The following ZNF227 variants were observed in gnomAD, a reference collection of about 807,000 sequenced individuals.
ZNF227 encodes zinc finger protein 227.
ZNF227 carries 12 observed loss-of-function variants against 13.2 expected under a neutral mutation model. That is an observed-to-expected ratio of 0.91 (90% CI 0.58 to 1.47). The LOEUF is 1.47. Ranked by LOEUF, ZNF227 falls within the 40% of genes most tolerant of loss-of-function variation. ZNF227 has a pLI of 0.00. For missense variants in ZNF227, 885 were observed against 967.5 expected (o/e 0.91, Z 1.13); for synonymous variants, 338 against 326.0 (o/e 1.04, Z -0.40).
chr19:44,217,910 G>A, intron 3 of ZNF227, 58 bp downstream of exon 3: 1 of 1,586,642 alleles, frequency 6.3e-7, no homozygotes, highest in Non-Finnish European at 8.7e-7. Flanking sequence ...AAAGATAACA[G>A]ATTTATTTTT....
At chr19:44,216,388 ATTTT>A (rs1391496659) in intron 2 of ZNF227, among the ~76,000 whole-genome samples, 3 of 151,416 alleles carry the variant, frequency 2.0e-5, no homozygotes, top group Non-Finnish European at 2.9e-5. Flanking sequence ...GGTCAACTAT[ATTTT>A]CTTTCTAGGA....
upstream of ZNF227, among the ~76,000 whole-genome samples, chr19:44,208,666 C>T (rs1417545823): frequency 6.6e-6 from 1 of 152,156 alleles, no homozygotes; most frequent in African/African-American, 2.4e-5. Context: ...GCAGAACGTC[C>T]ATATGAACCC....
At chr19:44,219,258 TCTC>T (rs148003402) in intron 3 of ZNF227, among the ~76,000 whole-genome samples, 9,492 of 152,194 alleles carry the variant, frequency 0.062, 671 homozygotes, top group Admixed American at 0.15. Context: ...TACTGTCTCT[TCTC>T]TAGTTTTGTC....
At chr19:44,229,144 T>C (rs1599828121) in intron 4 of ZNF227, 1 of 152,962 alleles carries the variant, frequency 6.5e-6, no homozygotes, top group East Asian at 1.9e-4. Flanking sequence ...ACTGCTCACA[T>C]TGCAACAAAA....
chr19:44,218,823 G>A (rs1972147930), intron 3 of ZNF227, among the ~76,000 whole-genome samples: 1 of 152,212 alleles, frequency 6.6e-6, no homozygotes, highest in African/African-American at 2.4e-5. Context: ...TTCATGTAAA[G>A]GCAGACAGAA....
At chr19:44,226,437 C>T (rs1973170976) in intron 3 of ZNF227, among the ~76,000 whole-genome samples, 1 of 152,242 alleles carries the variant, frequency 6.6e-6, no homozygotes, top group Non-Finnish European at 1.5e-5. Flanking sequence ...CCAGTTCGAG[C>T]TTCCAGGCTG....
chr19:44,232,116 A>G (rs1034144359), intron 5 of ZNF227, among the ~76,000 whole-genome samples: 4 of 152,248 alleles, frequency 2.6e-5, no homozygotes, highest in Non-Finnish European at 5.9e-5. Context: ...AGGCACTGAC[A>G]TACCTGTGGA....
chr19:44,211,873 C>CAA (rs1971385743), upstream of ZNF227, among the ~76,000 whole-genome samples: 1 of 117,992 alleles, frequency 8.5e-6, no homozygotes, highest in Non-Finnish European at 1.8e-5. Flanking sequence ...ATCACGTGAT[C>CAA]TGTTTCTTAT....
At chr19:44,224,500 G>A (rs1972888772) in intron 3 of ZNF227, among the ~76,000 whole-genome samples, 1 of 152,148 alleles carries the variant, frequency 6.6e-6, no homozygotes, top group African/African-American at 2.4e-5. Flanking sequence ...TTGTTGAATT[G>A]ATCCCTTTAC....
Position 44,229,104 on chromosome 19 carries a change from G to C in ZNF227, c.187+532G>C, listed in dbSNP as rs138210711. The C allele has an allele frequency of 8.7e-3, 1,345 of 153,950 alleles. 19 individuals carry two copies. Among genetic ancestry groups the C allele is most frequent in the African/African-American group, 0.031 (1,286 of 41,614 alleles). The allele number at this position is 153,950 out of a possible 1,614,324, so 9.5% of individuals were successfully genotyped here. ...TTTTCAATGAAATAAAACAGATAAG[G>C]ATAGAAAATATCAGAGCTTCTTATC... is the stretch of plus-strand genomic sequence containing the variant. On this transcript the variant is annotated intron_variant, in intron 4 of 5. Coordinates refer to ENST00000313040, the MANE Select transcript of ZNF227 (RefSeq NM_182490.3).
chr19:44,216,817 T>A (rs1055932547), intron 2 of ZNF227, among the ~76,000 whole-genome samples: 3 of 152,176 alleles, frequency 2.0e-5, no homozygotes. Flanking sequence ...GATAACAGTG[T>A]CAGTAAAATA....
chr19:44,236,654 A>G lies in ZNF227; in HGVS notation c.2224A>G (p.Lys742Glu), dbSNP rs1974540438. 1 of 1,613,982 alleles carries G rather than the reference A, an allele frequency of 6.2e-7. No individual in the cohort carries two copies. Among genetic ancestry groups the G allele is most frequent in the African/African-American group, 1.3e-5 (1 of 74,950 alleles). ...RVHLGVHTREKLFKCEECGKG... is the reference protein window; with the variant it reads ...RVHLGVHTREELFKCEECGKG... ...CCACCTGGGTGTTCACACCAGGGAAAAACTCTTTAAATGTGAAGAGTGTGG... is the reference window on the plus strand; with the variant it reads ...CCACCTGGGTGTTCACACCAGGGAAGAACTCTTTAAATGTGAAGAGTGTGG... Residue 742 changes from lysine (K) to glutamate (E), a missense_variant, in exon 6 of 6, where the codon AAA becomes GAA. Coordinates refer to ENST00000313040, the MANE Select transcript of ZNF227 (RefSeq NM_182490.3).
chr19:44,226,291 C>T (rs1308549501), intron 3 of ZNF227, among the ~76,000 whole-genome samples: 1 of 152,224 alleles, frequency 6.6e-6, no homozygotes, highest in African/African-American at 2.4e-5. Flanking sequence ...CTGGGAGAAC[C>T]ACTACTCTGT....
In ZNF227 at chr19:44,220,280, T is replaced by C. The variant is rs187765516; in HGVS notation, c.60+2428T>C. Among the ~76,000 whole-genome samples, 363 of 152,266 alleles carry C rather than the reference T, an allele frequency of 2.4e-3. 3 individuals carry two copies. Among genetic ancestry groups the C allele is most frequent in the Middle Eastern group, 0.01 (3 of 294 alleles). On this transcript the variant is annotated intron_variant, in intron 3 of 5. Transcript: ENST00000313040. ...TTTATAGCAGCATGATTTATAATCC[T>C]TTGGGTATATACCCAGTAATGGGAT...
In ZNF227 at chr19:44,234,744, C is replaced by T; in HGVS notation, c.314C>T (p.Ala105Val). ...QNKMETLQKF[A>V]LKYLSNQELS... The stretch of plus-strand genomic sequence containing the variant: ...AAGATGGAAACACTCCAAAAATTTG[C>T]ATTAAAATACCTTTCAAATCAAGAG... Residue 105 changes from alanine to valine, a missense_variant, in exon 6 of 6, where the codon GCA (alanine) becomes GTA (valine). Ala to Val is a moderately conservative substitution (Grantham distance 64). Transcript: ENST00000313040. 6.3e-7 allele frequency: 1 copy of T among 1,598,934 alleles called. No individual in the cohort carries two copies. The highest frequency in any genetic ancestry group is 1.1e-5 in the South Asian group (1 of 87,492).
upstream of ZNF227, chr19:44,212,383 T>TTG (rs1555787752): frequency 7.0e-6 from 1 of 142,926 alleles, no homozygotes; most frequent in Non-Finnish European, 1.5e-5. Context: ...TTTTTGTTTT[T>TTG]TTTTTTTTCA....
chr19:44,216,499 A>C (rs1971892800), intron 2 of ZNF227, among the ~76,000 whole-genome samples: 1 of 152,054 alleles, frequency 6.6e-6, no homozygotes, highest in African/African-American at 2.4e-5. Flanking sequence ...ATTTTTATTT[A>C]TACTGTTTAG....
At chr19:44,225,954 C>G (rs1487495695) in intron 3 of ZNF227, among the ~76,000 whole-genome samples, 11 of 152,116 alleles carry the variant, frequency 7.2e-5, no homozygotes, top group African/African-American at 2.4e-4. Context: ...TGTGGATGTC[C>G]TTTCTGTTTG....
At chr19:44,214,757 C>T (rs1307867876) in intron 2 of ZNF227, among the ~76,000 whole-genome samples, 1 of 151,814 alleles carries the variant, frequency 6.6e-6, no homozygotes, top group East Asian at 1.9e-4. Context: ...TCAACATTTG[C>T]TGCAGACCAT....
Sources: gnomAD v4.1 joint callset for allele counts (sites outside exome capture counted in the v4.1 genomes callset) on GRCh38, gnomAD v4.1.1 for gene constraint, MANE v1.5 for transcripts, NCBI Gene and HGNC (gene_info 2026-07-23, HGNC 2026-07-21) for gene names.